Variants in SUMF1 observed in about 807,000 individuals in gnomAD.
SUMF1 encodes formylglycine-generating enzyme.
Under a neutral mutation model 47.6 loss-of-function variants are expected in SUMF1, and 48 were observed. That is an observed-to-expected ratio of 1.01 (90% CI 0.80 to 1.28). The LOEUF (loss-of-function observed/expected upper bound fraction) is 1.28. Ranked by LOEUF, SUMF1 falls within the 50% of genes most tolerant of loss-of-function variation. SUMF1 has a pLI of 0.00. For missense variants in SUMF1, 571 were observed against 485.4 expected (o/e 1.18, Z -1.66); for synonymous variants, 230 against 192.1 (o/e 1.20, Z -1.63).
intron 8 of SUMF1, among the ~76,000 whole-genome samples, chr3:4,286,342 C>G (rs1697632403): frequency 6.6e-6 from 1 of 151,938 alleles, no homozygotes; most frequent in Admixed American, 6.6e-5. Flanking sequence ...GAAAACAAAG[C>G]AAAAACCGTA....
chr3:4,113,510 A>C (rs761094653), intron 8 of SUMF1, among the ~76,000 whole-genome samples: 1 of 151,814 alleles, frequency 6.6e-6, no homozygotes, highest in Non-Finnish European at 1.5e-5. Flanking sequence ...CCTGGGTCAC[A>C]GTGAGACCCT....
intron 8 of SUMF1, among the ~76,000 whole-genome samples, chr3:4,212,660 T>A (rs923827684): frequency 6.6e-6 from 1 of 151,912 alleles, no homozygotes; most frequent in South Asian, 2.1e-4. Flanking sequence ...GCTAAGAACA[T>A]TGAAAAAAGG....
intron 8 of SUMF1, among the ~76,000 whole-genome samples, chr3:4,150,734 A>T (rs1018312569): frequency 5.9e-5 from 9 of 151,542 alleles, no homozygotes; most frequent in African/African-American, 2.2e-4. Context: ...ACCACTATGA[A>T]AAGATGCACT....
chr3:4,186,859 TTC>T (rs1695210995), intron 8 of SUMF1, among the ~76,000 whole-genome samples: 1 of 152,182 alleles, frequency 6.6e-6, no homozygotes. Flanking sequence ...CTTCTCTTTC[TTC>T]TCTGTGTTCC....
chr3:4,122,772 G>A (rs1347888774), intron 8 of SUMF1, among the ~76,000 whole-genome samples: 1 of 152,150 alleles, frequency 6.6e-6, no homozygotes, highest in Non-Finnish European at 1.5e-5. Context: ...GAAGCCAAAA[G>A]GTTGAAAGGG....
At chr3:4,200,898 A>C (rs763243712) in intron 8 of SUMF1, among the ~76,000 whole-genome samples, 1 of 152,130 alleles carries the variant, frequency 6.6e-6, no homozygotes, top group African/African-American at 2.4e-5. Flanking sequence ...CCACTGATCT[A>C]TAGTTTATAT....
At chr3:4,109,963 G>C (rs1015925862) in intron 8 of SUMF1, among the ~76,000 whole-genome samples, 9 of 152,092 alleles carry the variant, frequency 5.9e-5, no homozygotes, top group African/African-American at 2.2e-4. Context: ...GTCCGTTGCT[G>C]GTGAGGAGCT....
chr3:4,446,045 T>A (rs997046933), intron 3 of SUMF1, among the ~76,000 whole-genome samples: 17 of 152,256 alleles, frequency 1.1e-4, no homozygotes, highest in Admixed American at 1.0e-3. Flanking sequence ...GCATTTATCC[T>A]ATCTGTCCTG....
chr3:4,397,854 T>C (rs929258619), intron 7 of SUMF1, among the ~76,000 whole-genome samples: 3 of 152,188 alleles, frequency 2.0e-5, no homozygotes, highest in African/African-American at 7.2e-5. Context: ...CTAGCTTATT[T>C]CATTTGAATT....
At chr3:4,145,632 G>A (rs546996208) in intron 8 of SUMF1, among the ~76,000 whole-genome samples, 8 of 152,120 alleles carry the variant, frequency 5.3e-5, no homozygotes, top group African/African-American at 1.9e-4. Context: ...TGAAGTTTAT[G>A]GTCAATTTTT....
intron 9 of SUMF1, among the ~76,000 whole-genome samples, chr3:4,061,212 T>C (rs1398053281): frequency 6.6e-6 from 1 of 152,152 alleles, no homozygotes; most frequent in African/African-American, 2.4e-5. Context: ...TATGGTTTCT[T>C]TTGAATAAAC....
chr3:4,433,429 G>A (rs1702299314), intron 3 of SUMF1, among the ~76,000 whole-genome samples: 4 of 152,120 alleles, frequency 2.6e-5, no homozygotes. Context: ...ATCATGTTTT[G>A]CTTCCTGAGC....
At chr3:4,295,814 G>T (rs1697838992) in intron 8 of SUMF1, among the ~76,000 whole-genome samples, 1 of 152,100 alleles carries the variant, frequency 6.6e-6, no homozygotes. Flanking sequence ...TTACTTCACA[G>T]CTAAAGTACT....
intron 3 of SUMF1, among the ~76,000 whole-genome samples, chr3:4,424,565 G>A (rs1025775488): frequency 3.9e-5 from 6 of 152,140 alleles, no homozygotes; most frequent in African/African-American, 1.4e-4. Flanking sequence ...TATATGTATA[G>A]TAAATCTAGA....
At chr3:4,424,014 T>C (rs1216039753) in intron 3 of SUMF1, among the ~76,000 whole-genome samples, 1 of 152,224 alleles carries the variant, frequency 6.6e-6, no homozygotes, top group African/African-American at 2.4e-5. Flanking sequence ...AACAGACCTC[T>C]TTCTTTATGA....
chr3:4,187,780 T>A (rs1382166297), intron 8 of SUMF1, among the ~76,000 whole-genome samples: 2 of 152,202 alleles, frequency 1.3e-5, no homozygotes, highest in Non-Finnish European at 2.9e-5. Context: ...TTCTTCCAAT[T>A]TTGAATATTG....
At chr3:4,290,291 C>G (rs219014) in intron 8 of SUMF1, among the ~76,000 whole-genome samples, 24,255 of 152,152 alleles carry the variant, frequency 0.16, 2,546 homozygotes, top group South Asian at 0.36. Flanking sequence ...AAATGTGAGT[C>G]TAAACAAATC....
chr3:4,092,637 G>A (rs893688655), intron 8 of SUMF1, among the ~76,000 whole-genome samples: 3 of 152,116 alleles, frequency 2.0e-5, no homozygotes, highest in Admixed American at 6.6e-5. Context: ...AACAACGAAA[G>A]TGACCAACTA....
chr3:4,459,677 CAAT>C (rs953780418), intron 1 of SUMF1, among the ~76,000 whole-genome samples: 1 of 152,156 alleles, frequency 6.6e-6, no homozygotes, highest in Non-Finnish European at 1.5e-5. Flanking sequence ...CCCCTACTCC[CAAT>C]ATTACACAGG....
Sources: gnomAD v4.1 joint callset for allele counts (sites outside exome capture counted in the v4.1 genomes callset) on GRCh38, gnomAD v4.1.1 for gene constraint, MANE v1.5 for transcripts, NCBI Gene and HGNC (gene_info 2026-07-23, HGNC 2026-07-21) for gene names.